Variants in ITGA9 observed in about 807,000 individuals in gnomAD.
The protein encoded by ITGA9 is integrin alpha-9.
ITGA9 carries 56 observed loss-of-function variants against 127.8 expected under a neutral mutation model. The observed-to-expected ratio is 0.44, with a 90% CI of 0.35 to 0.55. ITGA9 has a LOEUF of 0.55. Among genes scored for constraint, ITGA9 ranks in the 20% least tolerant of loss-of-function variants. ITGA9 has a pLI of 0.00. For missense variants in ITGA9, 1,196 were observed against 1,347.1 expected (o/e 0.89, Z 1.76); for synonymous variants, 508 against 514.5 (o/e 0.99, Z 0.17).
At chr3:37,540,228 G>A (rs1001504635) in intron 14 of ITGA9, among the ~76,000 whole-genome samples, 1 of 152,204 alleles carries the variant, frequency 6.6e-6, no homozygotes, top group Non-Finnish European at 1.5e-5. Context: ...CTGGGAAGGA[G>A]GCTGGTCAGG....
At chr3:37,496,452 C>T (rs1360206615) in intron 5 of ITGA9, among the ~76,000 whole-genome samples, 4 of 152,300 alleles carry the variant, frequency 2.6e-5, no homozygotes, top group Admixed American at 2.6e-4. Context: ...CCTATGCCCT[C>T]AAAACCTCTA....
intron 17 of ITGA9, among the ~76,000 whole-genome samples, chr3:37,674,627 A>T (rs1700665212): frequency 6.6e-6 from 1 of 152,174 alleles, no homozygotes; most frequent in African/African-American, 2.4e-5. Context: ...GCAATGTTCA[A>T]AATAGTTAAG....
At position 37,469,793 on chromosome 3, in the gene ITGA9, T is replaced by TTTTTG. The variant is rs1486957344; in HGVS notation, c.186-1199_186-1195dup. 6.6e-5 allele frequency among the ~76,000 whole-genome samples: 10 copies of TTTTTG among 152,264 alleles called. No homozygotes were observed. In the East Asian group the frequency reaches 1.9e-3, roughly 29 times the overall value. On this transcript the variant is annotated intron_variant, in intron 1 of 27. Coordinates refer to ENST00000264741, the MANE Select transcript of ITGA9 (RefSeq NM_002207.3). The stretch of plus-strand genomic sequence containing the variant: ...GTTTTCATTGCTGCATAGAACTCTT[T>TTTTTG]TTTTGTTTTGTTTTGTTTTTGAGAC...
At chr3:37,610,927 C>T (rs1350725199) in intron 15 of ITGA9, among the ~76,000 whole-genome samples, 1 of 151,792 alleles carries the variant, frequency 6.6e-6, no homozygotes, top group Non-Finnish European at 1.5e-5. Context: ...TTCTTTTGAG[C>T]TTAAAGATGC....
intron 18 of ITGA9, among the ~76,000 whole-genome samples, chr3:37,709,084 T>G (rs1328633306): frequency 6.6e-6 from 1 of 152,216 alleles, no homozygotes; most frequent in Non-Finnish European, 1.5e-5. Context: ...ACAGAACAGA[T>G]GCCTAAGTTT....
intron 18 of ITGA9, among the ~76,000 whole-genome samples, chr3:37,714,508 C>T (rs1414749514): frequency 6.6e-6 from 1 of 152,182 alleles, no homozygotes; most frequent in Non-Finnish European, 1.5e-5. Flanking sequence ...CTCTCAGAGT[C>T]CATGGGCTCA....
chr3:37,603,654 G>T (rs1699942502), intron 15 of ITGA9, among the ~76,000 whole-genome samples: 1 of 152,202 alleles, frequency 6.6e-6, no homozygotes. Context: ...CAGACAAAGG[G>T]CCATGTGGCA....
chr3:37,461,291 C>T, intron 1 of ITGA9, among the ~76,000 whole-genome samples: 1 of 152,196 alleles, frequency 6.6e-6, no homozygotes, highest in East Asian at 1.9e-4. Context: ...AGCATTAGCC[C>T]TGCCCTCAGC....
chr3:37,750,507 A>G lies in ITGA9; in HGVS notation c.2479A>G (p.Ile827Val), dbSNP rs531789046. 6.2e-7 allele frequency: 1 copy of G among 1,613,624 alleles called. No individual in the cohort carries two copies. The highest frequency in any genetic ancestry group is 8.5e-7 in the Non-Finnish European group (1 of 1,179,790). The stretch of plus-strand genomic sequence containing the variant: ...CACCCTTCCAGGGTCATCTGTCAGC[A>G]TCTCTTTCCCTAATCGACTCTCATC... Reference protein sequence around the residue: ...PSTLPGSSVSISFPNRLSSGG... With the variant: ...PSTLPGSSVSVSFPNRLSSGG... The change falls in exon 23 of 28, where the codon ATC (isoleucine) becomes GTC (valine). Residue 827 changes from isoleucine (I) to valine (V), a missense_variant. Physicochemically the swap from Ile to Val is conservative, Grantham distance 29. Coordinates refer to ENST00000264741, the MANE Select transcript of ITGA9 (RefSeq NM_002207.3).
At position 37,471,115 on chromosome 3, in the gene ITGA9, C is replaced by T. The variant is rs17036383; in HGVS notation, c.294C>T (p.Thr98=). The change falls in exon 2 of 28, where the codon ACC becomes ACT. Residue 98 remains threonine (T), a synonymous_variant. Coordinates refer to ENST00000264741, the MANE Select transcript of ITGA9 (RefSeq NM_002207.3). ...ACACCAACCCTGACCGGAGATGCAC[C>T]GAACTGGACATGGCTCGAGGTGGGT... ...RVHTNPDRRC[T]ELDMARGKNR... is the part of the protein sequence containing the mutation. 28 of 1,613,928 alleles carry T rather than the reference C, an allele frequency of 1.7e-5. No homozygotes were observed. The highest frequency in any genetic ancestry group is 1.6e-4 in the African/African-American group (12 of 74,956).
chr3:37,540,543 C>A (rs1464021536), intron 14 of ITGA9, among the ~76,000 whole-genome samples: 1 of 152,156 alleles, frequency 6.6e-6, no homozygotes, highest in African/African-American at 2.4e-5. Context: ...GCAGCAAGAA[C>A]AAGTGTGGTG....
chr3:37,495,127 A>G (rs1698714437), intron 5 of ITGA9, among the ~76,000 whole-genome samples: 1 of 151,978 alleles, frequency 6.6e-6, no homozygotes, highest in South Asian at 2.1e-4. Context: ...CCACACCTGT[A>G]TTTTTAGTAG....
At chr3:37,565,040 G>T (rs1411459919) in intron 15 of ITGA9, among the ~76,000 whole-genome samples, 1 of 152,190 alleles carries the variant, frequency 6.6e-6, no homozygotes, top group Non-Finnish European at 1.5e-5. Context: ...TAGTGAGGGA[G>T]GATCCAACTG....
At chr3:37,583,455 C>G (rs1156754624) in intron 15 of ITGA9, among the ~76,000 whole-genome samples, 2 of 152,126 alleles carry the variant, frequency 1.3e-5, no homozygotes, top group African/African-American at 2.4e-5. Context: ...GTTGAGGGTT[C>G]CATTGAGGAC....
chr3:37,652,408 C>T (rs965324984), intron 16 of ITGA9, among the ~76,000 whole-genome samples: 1 of 152,174 alleles, frequency 6.6e-6, no homozygotes, highest in Non-Finnish European at 1.5e-5. Flanking sequence ...CTCCTTGACC[C>T]CAGTAGTGTC....
In ITGA9 at chr3:37,629,283, C is replaced by G; in HGVS notation, c.1786C>G (p.Leu596Val). The G allele has an allele frequency of 6.2e-7, 1 of 1,614,146 alleles. No homozygotes were observed. Among genetic ancestry groups the G allele is most frequent in the African/African-American group, 1.3e-5 (1 of 75,032 alleles). The change falls in exon 16 of 28, where the codon CTG becomes GTG. Residue 596 changes from leucine (L) to valine (V), a missense_variant. Transcript: ENST00000264741. This position sits in a 1 kb window ranked among gnomAD's most constrained non-coding sequence, Gnocchi z 4.5. ...TGEEERELPP[L>V]TPVLRWKKGQ... ...AGAGGAGGAGAGGGAACTGCCGCCT[C>G]TGACACCAGTTCTCCGCTGGAAAAA... is the stretch of plus-strand genomic sequence containing the variant.
At chr3:37,643,716 CTT>C (rs1435107218) in intron 16 of ITGA9, among the ~76,000 whole-genome samples, 1 of 152,166 alleles carries the variant, frequency 6.6e-6, no homozygotes. Flanking sequence ...GTTAGCCTCT[CTT>C]TTCTTATCTT....
Position 37,777,454 on chromosome 3 carries a change from A to G in ITGA9, c.2604A>G (p.Gln868=). 6.2e-7 allele frequency: 1 copy of G among 1,614,164 alleles called. No homozygotes were observed. Among genetic ancestry groups the G allele is most frequent in the Non-Finnish European group, 8.5e-7 (1 of 1,179,964 alleles). ...ACCCAACTCCCTGCATCATCCCTCA[A>G]GAACAAGAAAATATCTTCCACACAA... The part of the protein sequence containing the change: ...QKNPTPCIIP[Q]EQENIFHTIF... The change falls in exon 24 of 28, where the codon CAA becomes CAG. Residue 868 remains glutamine (Q), a synonymous_variant. Transcript: ENST00000264741.
intron 1 of ITGA9, among the ~76,000 whole-genome samples, chr3:37,453,545 G>C (rs1366460605): frequency 6.6e-6 from 1 of 152,192 alleles, no homozygotes; most frequent in African/African-American, 2.4e-5. Flanking sequence ...ATAGGAGAGA[G>C]AGTTAGGCTG....
Sources: allele counts gnomAD v4.1 joint callset (sites outside exome capture counted in the v4.1 genomes callset), GRCh38; gene constraint gnomAD v4.1.1; non-coding constraint Gnocchi (gnomAD v3.1); transcripts MANE v1.5; gene names NCBI Gene and HGNC (gene_info 2026-07-23, HGNC 2026-07-21).